PPP6R3: variants seen among roughly 807,000 people sequenced by gnomAD.
The protein encoded by PPP6R3 is serine/threonine-protein phosphatase 6 regulatory subunit 3.
In PPP6R3, 38 loss-of-function variants were observed where a neutral mutation model predicts 110.7. The ratio of observed to expected loss-of-function variants is 0.34; its 90% confidence interval spans 0.26 to 0.45. The LOEUF is 0.45. Ranked by LOEUF, PPP6R3 falls within the 20% of genes least tolerant of loss-of-function variation. The pLI, the probability that PPP6R3 is intolerant of heterozygous loss-of-function variation, is 1.00. For synonymous variants in PPP6R3, 369 were observed against 373.5 expected (o/e 0.99, Z 0.14); for missense variants, 870 against 1,062.4 (o/e 0.82, Z 2.52).
At chr11:68,469,581 G>A (rs1226362666) in intron 1 of PPP6R3, among the ~76,000 whole-genome samples, 1 of 149,082 alleles carries the variant, frequency 6.7e-6, no homozygotes, top group Admixed American at 6.7e-5. Flanking sequence ...ATCTTCCGAT[G>A]TTGCCCAGGC....
At chr11:68,514,354 A>C (rs2099125466) in intron 1 of PPP6R3, among the ~76,000 whole-genome samples, 1 of 151,738 alleles carries the variant, frequency 6.6e-6, no homozygotes, top group Non-Finnish European at 1.5e-5. Context: ...AGCCTGAGCC[A>C]CCATGCTGGC....
Position 68,590,667 on chromosome 11 carries a change from T to C in PPP6R3, c.1738T>C (p.Phe580Leu). The C allele has an allele frequency of 6.3e-7, 1 of 1,589,672 alleles. No homozygotes were observed. Among genetic ancestry groups the C allele is most frequent in the Non-Finnish European group, 8.6e-7 (1 of 1,163,136 alleles). ...TATTTTGTTTTTTTACAGTGTTTCT[T>C]TTGATCGAGTATCAGACATCAACTT... is the stretch of plus-strand genomic sequence containing the variant. ...ADQDDIGNVSFDRVSDINFTL... is the reference protein window; with the variant it reads ...ADQDDIGNVSLDRVSDINFTL... The change falls in exon 17 of 24, where the codon TTT becomes CTT. Residue 580 changes from phenylalanine to leucine, a missense_variant. Coordinates refer to ENST00000393800, the MANE Select transcript of PPP6R3 (RefSeq NM_001164161.2).
In PPP6R3 at chr11:68,567,890, T is replaced by C. The variant is rs573685323; in HGVS notation, c.1128+724T>C. On this transcript the variant is annotated intron_variant, in intron 10 of 23. Coordinates refer to ENST00000393800, the MANE Select transcript of PPP6R3 (RefSeq NM_001164161.2). The stretch of plus-strand genomic sequence containing the variant: ...GACAGGCATTGTAATGTTCATCTTA[T>C]GTACACTATTCATGTGATCCTGGGT... Among the ~76,000 whole-genome samples the C allele has an allele frequency of 7.9e-5, 12 of 152,318 alleles. No homozygotes were observed. The East Asian group carries it at 1.9e-3, about 24-fold the overall frequency.
At chr11:68,539,401 T>C (rs1165893766) in intron 3 of PPP6R3, among the ~76,000 whole-genome samples, 2 of 152,234 alleles carry the variant, frequency 1.3e-5, no homozygotes, top group African/African-American at 2.4e-5. Context: ...CCCGCCGTTA[T>C]AACAGTGTGG....
chr11:68,600,038 C>T (rs1032062438), intron 19 of PPP6R3, among the ~76,000 whole-genome samples: 8 of 152,132 alleles, frequency 5.3e-5, no homozygotes, highest in African/African-American at 7.2e-5. Context: ...AGGAGAATGG[C>T]GTGAACCCGG....
chr11:68,610,068 T>G, intron 23 of PPP6R3, 45 bp downstream of exon 23: 1 of 1,600,684 alleles, frequency 6.2e-7, no homozygotes, highest in South Asian at 1.1e-5. Context: ...TGCCCTGACC[T>G]TGCCTGTTGC....
At position 68,613,865 on chromosome 11, in the gene PPP6R3, A is replaced by G. The variant is rs1944609431; in HGVS notation, c.*748A>G. On this transcript the variant is annotated 3_prime_UTR_variant, in exon 24 of 24. Transcript: ENST00000393800. ...ATTATTCCTACAAGTGAAACACTAG[A>G]CTATTTGGAGTGTATATGGCTTGTG... is the stretch of plus-strand genomic sequence containing the variant. 1 of 982,564 alleles carries G rather than the reference A, an allele frequency of 1.0e-6. No homozygotes were observed. Among genetic ancestry groups the G allele is most frequent in the Non-Finnish European group, 1.2e-6 (1 of 829,330 alleles). 60.9% of individuals were successfully genotyped at this position (982,564 alleles called of 1,614,324 possible).
intron 1 of PPP6R3, among the ~76,000 whole-genome samples, chr11:68,473,933 A>T (rs2098809964): frequency 6.6e-6 from 1 of 151,908 alleles, no homozygotes; most frequent in South Asian, 2.1e-4. Flanking sequence ...GAATTGTTGG[A>T]TAATGTGGTA....
chr11:68,574,039 A>C, intron 12 of PPP6R3, 70 bp from the exon 13 acceptor site: 1 of 1,072,218 alleles, frequency 9.3e-7, no homozygotes. Context: ...AAAAGTCCGC[A>C]GTATTTACCG....
intron 7 of PPP6R3, among the ~76,000 whole-genome samples, chr11:68,557,595 C>G (rs142858842): frequency 6.6e-6 from 1 of 151,990 alleles, no homozygotes; most frequent in African/African-American, 2.4e-5. Flanking sequence ...CTCAGCTTAC[C>G]GCAACCTCTG....
rs1269536453 is a variant in PPP6R3 at position 68,535,799 on chromosome 11, T to TAA, written c.-6-1838_-6-1837dup. Reference sequence around the variant, plus strand: ...CAACATTGTGAAACCCCGTCTCTACTAAAAAAAAAAAAAAAAAAAAAAATC... The same window carrying TAA: ...CAACATTGTGAAACCCCGTCTCTACTAAAAAAAAAAAAAAAAAAAAAAAAATC... On this transcript the variant is annotated intron_variant, in intron 2 of 23. Coordinates refer to ENST00000393800, the MANE Select transcript of PPP6R3 (RefSeq NM_001164161.2). Among the ~76,000 whole-genome samples the TAA allele has an allele frequency of 4.3e-3, 337 of 78,378 alleles. 2 individuals are homozygous for TAA. The highest frequency in any genetic ancestry group is 0.014 in the African/African-American group (301 of 21,282). The allele number at this position is 78,378 out of a possible 152,430, so 51.4% of individuals were successfully genotyped here.
At chr11:68,603,538 G>T in intron 22 of PPP6R3, 46 bp downstream of exon 22, 1 of 1,611,188 alleles carries the variant, frequency 6.2e-7, no homozygotes. Context: ...TTATTGGGAG[G>T]ATGGTGGGGC....
intron 1 of PPP6R3, among the ~76,000 whole-genome samples, chr11:68,502,229 C>G (rs1002714093): frequency 6.6e-6 from 1 of 152,082 alleles, no homozygotes; most frequent in East Asian, 1.9e-4. Context: ...TTTTATACAA[C>G]CCATTATGTC....
intron 1 of PPP6R3, among the ~76,000 whole-genome samples, chr11:68,499,254 T>C (rs572462028): frequency 1.3e-5 from 2 of 152,326 alleles, no homozygotes; most frequent in East Asian, 3.9e-4. Context: ...GGTTGTCTGC[T>C]TCTGGCTTGG....
Position 68,614,320 on chromosome 11 carries a change from C to T in PPP6R3, c.*1203C>T. 1 of 1,075,846 alleles carries T rather than the reference C, an allele frequency of 9.3e-7. No individual in the cohort carries two copies. Among genetic ancestry groups the T allele is most frequent in the Non-Finnish European group, 1.1e-6 (1 of 887,026 alleles). The allele number at this position is 1,075,846 out of a possible 1,614,324, so 66.6% of individuals were successfully genotyped here. A position where few individuals can be genotyped will look rare whatever the true frequency, so the allele number is the denominator to read the frequency against. On this transcript the variant is annotated 3_prime_UTR_variant, in exon 24 of 24. Coordinates refer to ENST00000393800, the MANE Select transcript of PPP6R3 (RefSeq NM_001164161.2). Reference sequence around the variant, plus strand: ...TGTCAATACAAAAATACATCACAGCCTTCTCAAACAGCTCAAGCAATATAT... The same window carrying T: ...TGTCAATACAAAAATACATCACAGCTTTCTCAAACAGCTCAAGCAATATAT...
At chr11:68,562,693 G>C (rs542894267) in intron 8 of PPP6R3, among the ~76,000 whole-genome samples, 1 of 152,224 alleles carries the variant, frequency 6.6e-6, no homozygotes, top group South Asian at 2.1e-4. Flanking sequence ...CGTCCTGAAT[G>C]GTTAGGTATT....
chr11:68,513,875 G>A (rs1351301771), intron 1 of PPP6R3, among the ~76,000 whole-genome samples: 1 of 152,176 alleles, frequency 6.6e-6, no homozygotes, highest in African/African-American at 2.4e-5. Context: ...ATGAAGAGAT[G>A]TCCTTTTTTG....
At chr11:68,608,773 C>T (rs17603185) in intron 22 of PPP6R3, among the ~76,000 whole-genome samples, 34,999 of 152,126 alleles carry the variant, frequency 0.23, 4,270 homozygotes, top group Middle Eastern at 0.32. Flanking sequence ...GAGTTGAATC[C>T]ATCCCAGTTA....
intron 9 of PPP6R3, among the ~76,000 whole-genome samples, chr11:68,565,132 C>T (rs888202616): frequency 6.6e-6 from 1 of 151,562 alleles, no homozygotes; most frequent in Non-Finnish European, 1.5e-5. Flanking sequence ...TGGTGTATCT[C>T]GGTGGTTATC....
Sources: allele counts gnomAD v4.1 joint callset (sites outside exome capture counted in the v4.1 genomes callset), GRCh38; gene constraint gnomAD v4.1.1; transcripts MANE v1.5; gene names NCBI Gene and HGNC (gene_info 2026-07-23, HGNC 2026-07-21).